The following PPARGC1A variants were observed in gnomAD, a reference collection of about 807,000 sequenced individuals.
The protein encoded by PPARGC1A is peroxisome proliferator-activated receptor gamma coactivator 1-alpha.
Under a neutral mutation model 88.7 loss-of-function variants are expected in PPARGC1A, and 25 were observed. That is an observed-to-expected ratio of 0.28 (90% CI 0.21 to 0.39). PPARGC1A has a LOEUF of 0.39. Ranked by LOEUF, PPARGC1A falls within the 10% of genes least tolerant of loss-of-function variation. PPARGC1A has a pLI of 1.00. For missense variants in PPARGC1A, 880 were observed against 968.7 expected (o/e 0.91, Z 1.22); for synonymous variants, 363 against 355.6 (o/e 1.02, Z -0.24).
chr4:24,050,925 C>A, the PPARGC1A span, among the ~76,000 whole-genome samples: 2 of 152,096 alleles, frequency 1.3e-5, no homozygotes, highest in African/African-American at 2.4e-5. Flanking sequence ...CAGTGGCTCA[C>A]GCCTGTAATC....
At chr4:23,916,937 C>T in the PPARGC1A span, among the ~76,000 whole-genome samples, 22 of 152,264 alleles carry the variant, frequency 1.4e-4, no homozygotes, top group East Asian at 1.7e-3. Context: ...ACTGAACACA[C>T]GCAAAAACAC....
the PPARGC1A span, among the ~76,000 whole-genome samples, chr4:23,992,197 C>T: frequency 1.3e-5 from 2 of 151,942 alleles, no homozygotes; most frequent in Admixed American, 1.3e-4. Flanking sequence ...CCATTTATAG[C>T]TCTGCACTAG....
the PPARGC1A span, among the ~76,000 whole-genome samples, chr4:24,122,520 T>C: frequency 6.6e-6 from 1 of 151,862 alleles, no homozygotes; most frequent in African/African-American, 2.4e-5. Flanking sequence ...GGCTACACTT[T>C]ATTTTAACTC....
chr4:24,217,944 CAT>C, the PPARGC1A span, among the ~76,000 whole-genome samples: 1 of 152,118 alleles, frequency 6.6e-6, no homozygotes, highest in South Asian at 2.1e-4. Context: ...CTATAAGAAA[CAT>C]GTAATATTTA....
the PPARGC1A span, among the ~76,000 whole-genome samples, chr4:23,931,096 C>T: frequency 6.6e-6 from 1 of 152,160 alleles, no homozygotes; most frequent in African/African-American, 2.4e-5. Flanking sequence ...GTCACCTGCT[C>T]ACCCCACCTC....
At chr4:23,809,104 G>T (rs187184750) in intron 10 of PPARGC1A, among the ~76,000 whole-genome samples, 1 of 152,238 alleles carries the variant, frequency 6.6e-6, no homozygotes, top group Non-Finnish European at 1.5e-5. Flanking sequence ...AACATTGAAA[G>T]AACATCATGT....
chr4:24,456,318 A>T, the PPARGC1A span, among the ~76,000 whole-genome samples: 1 of 152,196 alleles, frequency 6.6e-6, no homozygotes, highest in African/African-American at 2.4e-5. Context: ...ATTTCCAGAT[A>T]TGAGACAAGA....
chr4:24,133,579 C>T, the PPARGC1A span, among the ~76,000 whole-genome samples: 1 of 152,116 alleles, frequency 6.6e-6, no homozygotes, highest in Non-Finnish European at 1.5e-5. Flanking sequence ...ATTCGGGGCC[C>T]AGAAAATACA....
chr4:24,305,610 C>T, the PPARGC1A span, among the ~76,000 whole-genome samples: 17 of 152,034 alleles, frequency 1.1e-4, no homozygotes, highest in Non-Finnish European at 1.9e-4. Context: ...GTTGGGAGTT[C>T]GAGACCAGCC....
chr4:24,441,908 T>C, the PPARGC1A span, among the ~76,000 whole-genome samples: 1 of 152,358 alleles, frequency 6.6e-6, no homozygotes, highest in South Asian at 2.1e-4. Flanking sequence ...AAATGCAGCT[T>C]GTCCTTAAAA....
At chr4:24,084,313 CAAG>C in the PPARGC1A span, among the ~76,000 whole-genome samples, 1 of 152,192 alleles carries the variant, frequency 6.6e-6, no homozygotes, top group South Asian at 2.1e-4. Context: ...CAGAAAAACT[CAAG>C]AAGACAGAAA....
the PPARGC1A span, among the ~76,000 whole-genome samples, chr4:23,957,694 A>G: frequency 6.6e-6 from 1 of 152,080 alleles, no homozygotes; most frequent in African/African-American, 2.4e-5. Flanking sequence ...GTCTGATGGG[A>G]GAGAGAGAAC....
At chr4:24,404,267 A>C in the PPARGC1A span, among the ~76,000 whole-genome samples, 1 of 151,814 alleles carries the variant, frequency 6.6e-6, no homozygotes, top group African/African-American at 2.4e-5. Context: ...CATCTCAAAA[A>C]ATATATATAT....
At chr4:23,951,122 C>T in the PPARGC1A span, among the ~76,000 whole-genome samples, 1 of 152,118 alleles carries the variant, frequency 6.6e-6, no homozygotes, top group South Asian at 2.1e-4. Context: ...CTCTCTCTGA[C>T]TTTGAAAGAC....
chr4:24,108,959 T>C, the PPARGC1A span, among the ~76,000 whole-genome samples: 2 of 151,564 alleles, frequency 1.3e-5, no homozygotes, highest in African/African-American at 2.4e-5. Flanking sequence ...CTTGGAAATA[T>C]TGGTAAAAAC....
the PPARGC1A span, among the ~76,000 whole-genome samples, chr4:24,309,888 G>A: frequency 0.12 from 18,807 of 152,216 alleles, 1,207 homozygotes; most frequent in Non-Finnish European, 0.14. Context: ...TAAGGGTGAT[G>A]GTAACAGAGG....
At chr4:24,236,593 A>T in the PPARGC1A span, among the ~76,000 whole-genome samples, 2 of 152,220 alleles carry the variant, frequency 1.3e-5, no homozygotes. Flanking sequence ...CCTGCACTAA[A>T]GAAAATTGCA....
chr4:23,910,404 ATT>A, the PPARGC1A span, among the ~76,000 whole-genome samples: 5 of 109,730 alleles, frequency 4.6e-5, no homozygotes, highest in African/African-American at 1.9e-4. Context: ...TTATATATAT[ATT>A]AACCCTATAT....
At chr4:23,919,966 G>A in the PPARGC1A span, among the ~76,000 whole-genome samples, 596 of 152,256 alleles carry the variant, frequency 3.9e-3, 4 homozygotes, top group African/African-American at 0.014. Context: ...ATGGGACAAG[G>A]GAAGCAAGAA....
Sources: gnomAD v4.1 joint callset for allele counts (sites outside exome capture counted in the v4.1 genomes callset) on GRCh38, gnomAD v4.1.1 for gene constraint, MANE v1.5 for transcripts, NCBI Gene and HGNC (gene_info 2026-07-23, HGNC 2026-07-21) for gene names.